The following MAGT1 variants were observed in gnomAD, a reference collection of about 807,000 sequenced individuals.
MAGT1 encodes the protein dolichyl-diphosphooligosaccharide--protein glycosyltransferase subunit MAGT1.
MAGT1 carries 4 observed loss-of-function variants against 28.4 expected under a neutral mutation model. The observed-to-expected ratio is 0.14, with a 90% CI of 0.07 to 0.32. The LOEUF is 0.32. Among genes scored for constraint, MAGT1 ranks in the 10% least tolerant of loss-of-function variants. The pLI, the probability that MAGT1 is intolerant of heterozygous loss-of-function variation, is 1.00. For synonymous variants in MAGT1, 89 were observed against 89.7 expected, an observed-to-expected ratio of 0.99 and a Z score of 0.04; for missense variants, 193 against 264.5, an observed-to-expected ratio of 0.73 and a Z score of 1.88.
chrX:77,873,757 T>C (rs1487658373), intron 2 of MAGT1, among the ~76,000 whole-genome samples: 1 of 111,637 alleles, frequency 9.0e-6, no homozygotes, highest in Non-Finnish European at 1.9e-5. Context: ...CTATTTATTA[T>C]TTTTTGGTGG....
At chrX:77,847,104 T>C (rs1202397644) in intron 7 of MAGT1, among the ~76,000 whole-genome samples, 1 of 112,302 alleles carries the variant, frequency 8.9e-6, no homozygotes, top group Non-Finnish European at 1.9e-5. Flanking sequence ...CCCGGCCACT[T>C]TGCTTACCTA....
At chrX:77,891,550 T>C (rs980935575) in intron 1 of MAGT1, among the ~76,000 whole-genome samples, 1 of 111,679 alleles carries the variant, frequency 9.0e-6, no homozygotes, top group African/African-American at 3.3e-5. Context: ...AAGGGGTTAA[T>C]ACTTACTCTG....
chrX:77,835,856 T>A (rs1398139819), intron 8 of MAGT1, among the ~76,000 whole-genome samples: 1 of 111,234 alleles, frequency 9.0e-6, no homozygotes, highest in Non-Finnish European at 1.9e-5. Flanking sequence ...CAGGCTGGAG[T>A]GCAGTGGCGC....
At chrX:77,835,618 A>G (rs2076914985) in intron 8 of MAGT1, among the ~76,000 whole-genome samples, 1 of 111,747 alleles carries the variant, frequency 8.9e-6, no homozygotes, top group Non-Finnish European at 1.9e-5. Context: ...AAATCAGTAT[A>G]CCGAAGAGAT....
Position 77,857,583 on chromosome X carries a change from A to G in MAGT1, c.391-86T>C, listed in dbSNP as rs2076984628. The G allele has an allele frequency of 4.6e-6, 5 of 1,075,608 alleles. No individual in the cohort carries two copies. In the East Asian group the frequency reaches 1.5e-4, roughly 32 times the overall value. The allele number at this position is 1,075,608 out of a possible 1,213,427, so 88.6% of individuals were successfully genotyped here. On this transcript the variant is annotated intron_variant, in intron 3 of 9. Coordinates refer to ENST00000618282, the MANE Select transcript of MAGT1 (RefSeq NM_001367916.1). ...ACATCTTGAAATTTAGGCATTTTAC[A>G]AAGATGAGGAGGCCTGGGTTTAGGT...
At chrX:77,877,650 T>C (rs913849436) in intron 1 of MAGT1, among the ~76,000 whole-genome samples, 4 of 106,465 alleles carry the variant, frequency 3.8e-5, no homozygotes, top group Non-Finnish European at 5.8e-5. Context: ...CTGTCTCTAA[T>C]AAAAATACAA....
chrX:77,846,460 G>C (rs1246112957), intron 7 of MAGT1, among the ~76,000 whole-genome samples: 4 of 112,341 alleles, frequency 3.6e-5, no homozygotes, highest in African/African-American at 1.3e-4. Flanking sequence ...GTCCAGGTTT[G>C]TTTCTTTGCT....
chrX:77,874,010 G>C (rs1178045951), intron 2 of MAGT1, among the ~76,000 whole-genome samples: 1 of 108,553 alleles, frequency 9.2e-6, no homozygotes. Context: ...TTTGAGACAG[G>C]GTCTTGGTCT....
intron 1 of MAGT1, among the ~76,000 whole-genome samples, chrX:77,885,214 G>A (rs1480405906): frequency 3.7e-5 from 4 of 108,167 alleles, no homozygotes; most frequent in East Asian, 3.0e-4. Context: ...ACAAGTATGC[G>A]CCACCATGCC....
At chrX:77,856,675 A>G (rs1297254640) in intron 5 of MAGT1, 58 bp downstream of exon 5, 1 of 1,108,687 alleles carries the variant, frequency 9.0e-7, no homozygotes, top group African/African-American at 1.8e-5. Flanking sequence ...AGCTTACCTA[A>G]AAATACACTA....
chrX:77,830,089 G>A (rs2076893344), intron 9 of MAGT1, among the ~76,000 whole-genome samples: 1 of 112,629 alleles, frequency 8.9e-6, no homozygotes, highest in African/African-American at 3.2e-5. Flanking sequence ...CTGGGAGGCT[G>A]AGCAGGAGAC....
intron 8 of MAGT1, among the ~76,000 whole-genome samples, chrX:77,833,673 G>A (rs781818409): frequency 8.9e-6 from 1 of 111,891 alleles, no homozygotes; most frequent in South Asian, 3.7e-4. Context: ...CCACGTTCAT[G>A]GATTGGAAGA....
At position 77,837,449 on chromosome X, in the gene MAGT1, T is replaced by C. The variant is rs1345413259; in HGVS notation, c.901+3797A>G. On this transcript the variant is annotated intron_variant, in intron 8 of 9. Coordinates refer to ENST00000618282, the MANE Select transcript of MAGT1 (RefSeq NM_001367916.1). ...AATTATTTTTCTAACACGTAAAAATTCATTTTTTTAGAGATTGAGTCTCGC... is the reference window on the plus strand; with the variant it reads ...AATTATTTTTCTAACACGTAAAAATCCATTTTTTTAGAGATTGAGTCTCGC... 3 of 111,054 alleles carry C rather than the reference T, an allele frequency of 2.7e-5. No individual in the cohort carries two copies. The Admixed American group carries it at 2.9e-4, about 11-fold the overall frequency. The allele number at this position is 111,054 out of a possible 1,213,427, so 9.2% of individuals were successfully genotyped here.
intron 1 of MAGT1, 98 bp from the exon 2 acceptor site, chrX:77,875,695 G>A (rs181892463): frequency 1.1e-6 from 1 of 895,661 alleles, no homozygotes. Flanking sequence ...CTAACAAGCA[G>A]AGGTATACAG....
rs782619537 is a variant in MAGT1, at chrX:77,882,892, A to G, written c.103-7295T>C. Among the ~76,000 whole-genome samples the G allele has an allele frequency of 2.3e-3, 245 of 106,406 alleles. 3 individuals carry two copies. The highest frequency in any genetic ancestry group is 4.8e-3 in the Middle Eastern group (1 of 209). The allele number at this position is 106,406 out of a possible 115,157, so 92.4% of individuals were successfully genotyped here. ...TGAGGCAGGAGGATCACTTGAGCCCAGGAGTTAGAGGCTGCAGTGAGCTAC... is the reference window on the plus strand; with the variant it reads ...TGAGGCAGGAGGATCACTTGAGCCCGGGAGTTAGAGGCTGCAGTGAGCTAC... On this transcript the variant is annotated intron_variant, in intron 1 of 9. Transcript: ENST00000618282.
intron 3 of MAGT1, among the ~76,000 whole-genome samples, chrX:77,858,241 A>G (rs2076986176): frequency 9.0e-6 from 1 of 111,442 alleles, no homozygotes; most frequent in South Asian, 3.8e-4. Flanking sequence ...CCTAGGCTGA[A>G]GCACAGTGGC....
rs1027860165 is a variant in MAGT1, at chrX:77,853,724, G to C, written c.826+177C>G. The stretch of plus-strand genomic sequence containing the variant: ...ATAAACCTGGCCCTATCAGACTACA[G>C]ATTTGTCCCTAGTAGTCTTTGGTTT... On this transcript the variant is annotated intron_variant, in intron 7 of 9. Transcript: ENST00000618282. Among the ~76,000 whole-genome samples the C allele has an allele frequency of 2.7e-5, 3 of 111,880 alleles. No individual in the cohort carries two copies. In the Admixed American group the frequency reaches 2.9e-4, roughly 11 times the overall value.
intron 3 of MAGT1, 109 bp from the exon 4 acceptor site, chrX:77,857,606 G>A: frequency 1.1e-6 from 1 of 944,275 alleles, no homozygotes; most frequent in Non-Finnish European, 1.5e-6. Context: ...CCTGGGTTTA[G>A]GTAGGTTAAG....
chrX:77,875,112 C>T (rs1163586778), intron 2 of MAGT1, among the ~76,000 whole-genome samples: 1 of 110,297 alleles, frequency 9.1e-6, no homozygotes, highest in Non-Finnish European at 1.9e-5. Flanking sequence ...ATCCACCTGC[C>T]TCGACCTCCC....
Sources: gnomAD v4.1 joint callset for allele counts (sites outside exome capture counted in the v4.1 genomes callset) on GRCh38, gnomAD v4.1.1 for gene constraint, MANE v1.5 for transcripts, NCBI Gene and HGNC (gene_info 2026-07-23, HGNC 2026-07-21) for gene names.